Variants in CHN2 observed in about 807,000 individuals in gnomAD.
CHN2 encodes the protein beta-chimaerin.
CHN2 carries 35 observed loss-of-function variants against 56.3 expected under a neutral mutation model. That is an observed-to-expected ratio of 0.62 (90% CI 0.47 to 0.82). CHN2 has a LOEUF of 0.82. Ranked by LOEUF, CHN2 falls within the 40% of genes least tolerant of loss-of-function variation. CHN2 has a pLI of 0.00. For synonymous variants in CHN2, 210 were observed against 212.8 expected (o/e 0.99, Z 0.12); for missense variants, 491 against 580.5 (o/e 0.85, Z 1.58).
intron 6 of CHN2, among the ~76,000 whole-genome samples, chr7:29,420,209 T>C (rs1804197192): frequency 6.6e-6 from 1 of 152,108 alleles, no homozygotes; most frequent in African/African-American, 2.4e-5. Context: ...GAAAACAATA[T>C]GGCAGTTCTT....
chr7:29,353,487 C>A lies in CHN2; in HGVS notation c.50-1138C>A, dbSNP rs562335960. On this transcript the variant is annotated intron_variant, in intron 1 of 12. Coordinates refer to ENST00000222792, the MANE Select transcript of CHN2 (RefSeq NM_004067.4). The stretch of plus-strand genomic sequence containing the variant: ...TGGCCAACATGGCGAAATGCCGTCT[C>A]AACCAAAACTATAAAAAATTGGCTG... Among the ~76,000 whole-genome samples, 59 of 152,156 alleles carry A rather than the reference C, an allele frequency of 3.9e-4. 2 individuals are homozygous for A. Among genetic ancestry groups the A allele is most frequent in the Admixed American group, 2.3e-3 (35 of 15,280 alleles).
intron 1 of CHN2, among the ~76,000 whole-genome samples, chr7:29,216,389 T>A (rs1003707055): frequency 6.6e-6 from 1 of 152,336 alleles, no homozygotes; most frequent in Admixed American, 6.5e-5. Context: ...TCAAGTGCTG[T>A]CTCTTCCTAA....
chr7:29,208,536 TG>T (rs1438553239), intron 1 of CHN2, among the ~76,000 whole-genome samples: 1 of 152,164 alleles, frequency 6.6e-6, no homozygotes, highest in Non-Finnish European at 1.5e-5. Flanking sequence ...GGGATGATAT[TG>T]TGCCTTGCGC....
At chr7:29,453,069 G>T (rs1334460476) in intron 6 of CHN2, among the ~76,000 whole-genome samples, 1 of 152,174 alleles carries the variant, frequency 6.6e-6, no homozygotes, top group African/African-American at 2.4e-5. Flanking sequence ...TCAGCTTTTT[G>T]GGGGGAATTG....
intron 1 of CHN2, among the ~76,000 whole-genome samples, chr7:29,231,001 T>G (rs914812178): frequency 6.6e-6 from 1 of 152,156 alleles, no homozygotes; most frequent in African/African-American, 2.4e-5. Context: ...TACAGCAAGG[T>G]TTCTTGTCTG....
intron 1 of CHN2, among the ~76,000 whole-genome samples, chr7:29,275,338 G>A (rs1294101658): frequency 6.6e-6 from 1 of 152,160 alleles, no homozygotes; most frequent in Non-Finnish European, 1.5e-5. Context: ...AATTAAGTTA[G>A]AGAATATATG....
At chr7:29,328,372 G>T (rs768540373) in intron 1 of CHN2, among the ~76,000 whole-genome samples, 10 of 151,998 alleles carry the variant, frequency 6.6e-5, no homozygotes, top group Non-Finnish European at 1.5e-4. Flanking sequence ...TCAAGCCGAT[G>T]AATGGCCAAA....
intron 9 of CHN2, among the ~76,000 whole-genome samples, chr7:29,503,930 A>G (rs975710503): frequency 7.9e-5 from 12 of 152,214 alleles, no homozygotes; most frequent in Non-Finnish European, 1.3e-4. Flanking sequence ...TTTTTAGGAC[A>G]TATCTTAACA....
chr7:29,213,949 C>A (rs529358539), intron 1 of CHN2, among the ~76,000 whole-genome samples: 33 of 152,004 alleles, frequency 2.2e-4, no homozygotes, highest in Admixed American at 1.3e-4. Flanking sequence ...GCAATAATTG[C>A]GCTTTTTAGT....
intron 1 of CHN2, among the ~76,000 whole-genome samples, chr7:29,265,157 C>T (rs2128838140): frequency 6.6e-6 from 1 of 152,278 alleles, no homozygotes; most frequent in Non-Finnish European, 1.5e-5. Context: ...TATTTCCCAG[C>T]ACAGTCCACA....
rs1385840160 is a variant in CHN2 at position 29,362,014 on chromosome 7, C to T, written c.89-5918C>T. On this transcript the variant is annotated intron_variant, in intron 2 of 12. Transcript: ENST00000222792. ...GCAAGGCAAAGGACAGTGGCTCCTA[C>T]TCCTGGATATGCATGAGTCTCTTGA... 3.9e-5 allele frequency among the ~76,000 whole-genome samples: 6 copies of T among 152,340 alleles called. No homozygotes were observed. The East Asian group carries it at 1.2e-3, about 29-fold the overall frequency.
chr7:29,432,716 A>G (rs887246125), intron 6 of CHN2, among the ~76,000 whole-genome samples: 2 of 152,248 alleles, frequency 1.3e-5, no homozygotes, highest in Non-Finnish European at 2.9e-5. Flanking sequence ...AAATCATTTT[A>G]TAATGATCCC....
chr7:29,511,405 G>A (rs1335697537), intron 12 of CHN2, among the ~76,000 whole-genome samples: 3 of 152,168 alleles, frequency 2.0e-5, no homozygotes, highest in African/African-American at 7.2e-5. Context: ...CAGTTTGGAA[G>A]GCAAAGTACC....
Position 29,400,676 on chromosome 7 carries a change from G to A in CHN2, c.424G>A (p.Glu142Lys), listed in dbSNP as rs775296935. ...ACTGTACATAGAAACAAAAGCTGCC[G>A]AGTACATTTCAAAAATGACAACTAA... ...ITLYIETKAA[E>K]YISKMTTNPI... Residue 142 changes from glutamate (E) to lysine (K), a missense_variant, in exon 6 of 13, where the codon GAG (glutamate) becomes AAG (lysine). Physicochemically the swap from Glu to Lys is moderately conservative, Grantham distance 56 (BLOSUM62 1). Transcript: ENST00000222792. 25 of 1,614,028 alleles carry A rather than the reference G, an allele frequency of 1.5e-5. No homozygotes were observed. The highest frequency in any genetic ancestry group is 5.3e-5 in the African/African-American group (4 of 74,914).
At chr7:29,179,466 G>T (rs112157790) in intron 2 of CHN2, among the ~76,000 whole-genome samples, 50 of 152,298 alleles carry the variant, frequency 3.3e-4, no homozygotes, top group African/African-American at 1.2e-3. Flanking sequence ...ACCACTCTCA[G>T]ATGCTAGAAA....
intron 2 of CHN2, among the ~76,000 whole-genome samples, chr7:29,364,360 A>C (rs1212615099): frequency 6.6e-6 from 1 of 152,240 alleles, no homozygotes; most frequent in Non-Finnish European, 1.5e-5. Flanking sequence ...TCTCTTTTAT[A>C]ACAGGTATGC....
intron 6 of CHN2, among the ~76,000 whole-genome samples, chr7:29,473,804 C>T (rs967664744): frequency 6.6e-6 from 1 of 152,082 alleles, no homozygotes; most frequent in Non-Finnish European, 1.5e-5. Flanking sequence ...TGTGGAACCT[C>T]TCTGGCCCTT....
intron 1 of CHN2, among the ~76,000 whole-genome samples, chr7:29,303,705 C>T (rs772304040): frequency 1.3e-5 from 2 of 152,198 alleles, no homozygotes; most frequent in African/African-American, 2.4e-5. Flanking sequence ...CTCAAGACTT[C>T]GAAGCAGAAG....
intron 6 of CHN2, among the ~76,000 whole-genome samples, chr7:29,405,951 A>G (rs1283988591): frequency 1.3e-5 from 2 of 152,126 alleles, no homozygotes; most frequent in Non-Finnish European, 2.9e-5. Context: ...CCAAGGAGTG[A>G]ATGTCCAGCC....
Sources: gnomAD v4.1 joint callset for allele counts (sites outside exome capture counted in the v4.1 genomes callset) on GRCh38, gnomAD v4.1.1 for gene constraint, MANE v1.5 for transcripts, NCBI Gene and HGNC (gene_info 2026-07-23, HGNC 2026-07-21) for gene names.